Variants in TRANK1 observed in about 807,000 individuals in gnomAD.
The protein encoded by TRANK1 is TPR and ankyrin repeat-containing protein 1.
A neutral mutation model predicts 266.0 loss-of-function variants in TRANK1; 198 were observed. The observed-to-expected ratio is 0.74, with a 90% CI of 0.66 to 0.84. The LOEUF (loss-of-function observed/expected upper bound fraction) is 0.84, where lower values mean the gene tolerates loss of function less well. Ranked by LOEUF, TRANK1 falls within the 40% of genes least tolerant of loss-of-function variation. The probability of loss-of-function intolerance (pLI) is 0.00; values close to 1 mark genes in which losing one functional copy is unlikely to be tolerated. For synonymous variants in TRANK1, 1,396 were observed against 1,384.1 expected, an observed-to-expected ratio of 1.01 and a Z score of -0.19; for missense variants, 3,326 against 3,634.6, an observed-to-expected ratio of 0.92 and a Z score of 2.18.
At position 36,833,858 on chromosome 3, in the gene TRANK1, G is replaced by C; in HGVS notation, c.5725C>G (p.Gln1909Glu). The C allele has an allele frequency of 6.2e-7, 1 of 1,613,962 alleles. No homozygotes were observed. The highest frequency in any genetic ancestry group is 1.7e-5 in the Admixed American group (1 of 60,020). The part of the protein sequence containing the change: ...PISKLSYSAS[Q>E]FYLEAAAKYL... ...TTTGCTGCAGCTTCCAAGTAAAACT[G>C]ACTGGCAGAATAGGAGAGCTTGGAA... The change falls in exon 22 of 24, where the codon CAG becomes GAG. Residue 1909 changes from glutamine (Q) to glutamate (E), a missense_variant. By Grantham distance (29) the Gln-to-Glu change is conservative (BLOSUM62 2). Coordinates refer to ENST00000645898, the MANE Select transcript of TRANK1 (RefSeq NM_001329998.2).
chr3:36,930,221 A>G (rs2080342846), intron 1 of TRANK1, among the ~76,000 whole-genome samples: 1 of 152,178 alleles, frequency 6.6e-6, no homozygotes. Context: ...CCATCACTGC[A>G]GGCCTTGAAG....
chr3:36,855,125 G>C, intron 13 of TRANK1, 48 bp downstream of exon 13: 2 of 1,528,864 alleles, frequency 1.3e-6, no homozygotes, highest in Non-Finnish European at 1.8e-6. Flanking sequence ...GCAGCCCAAA[G>C]TCTGTGCCTA....
chr3:36,851,487 A>C, intron 15 of TRANK1: 1 of 1,244,348 alleles, frequency 8.0e-7, no homozygotes, highest in Non-Finnish European at 1.0e-6. Context: ...GAGCCAAAGA[A>C]GGGCAGGGCA....
intron 1 of TRANK1, among the ~76,000 whole-genome samples, chr3:36,919,787 T>A (rs1226146949): frequency 2.6e-5 from 4 of 152,256 alleles, no homozygotes. Context: ...ATCAGTCTTT[T>A]TAATTTTAGC....
At chr3:36,896,708 C>G (rs1275629473) in intron 4 of TRANK1, among the ~76,000 whole-genome samples, 15 of 152,146 alleles carry the variant, frequency 9.9e-5, no homozygotes, top group African/African-American at 3.6e-4. Flanking sequence ...TTAAAAGATG[C>G]AGAGGGCCGG....
intron 1 of TRANK1, among the ~76,000 whole-genome samples, chr3:36,930,803 G>A (rs998692017): frequency 6.6e-6 from 1 of 152,100 alleles, no homozygotes; most frequent in African/African-American, 2.4e-5. Context: ...GACTGGAAAG[G>A]GGTATCAGTG....
chr3:36,882,854 A>C (rs1326888210), intron 8 of TRANK1, among the ~76,000 whole-genome samples: 1 of 152,234 alleles, frequency 6.6e-6, no homozygotes, highest in Non-Finnish European at 1.5e-5. Context: ...AAGATATTAA[A>C]GTGATTCTTA....
chr3:36,912,758 CTGGCA>C (rs2125636995), intron 1 of TRANK1, among the ~76,000 whole-genome samples: 1 of 152,304 alleles, frequency 6.6e-6, no homozygotes, highest in African/African-American at 2.4e-5. Flanking sequence ...ACAGCAAAGA[CTGGCA>C]ACACAGATGG....
intron 5 of TRANK1, among the ~76,000 whole-genome samples, chr3:36,894,658 G>A (rs6793902): frequency 0.32 from 48,782 of 152,002 alleles, 8,666 homozygotes; most frequent in East Asian, 0.57. Flanking sequence ...TGCATGACAA[G>A]AGAGCCCCAC....
At chr3:36,892,777 G>C in intron 6 of TRANK1, 124 bp downstream of exon 6, 1 of 280,884 alleles carries the variant, frequency 3.6e-6, no homozygotes, top group Non-Finnish European at 6.0e-6. Flanking sequence ...GTTACAGTGA[G>C]CTATCATGCC....
chr3:36,864,227 T>C (rs1389928072), intron 10 of TRANK1, 92 bp downstream of exon 10: 3 of 1,318,658 alleles, frequency 2.3e-6, no homozygotes, highest in Admixed American at 6.0e-5. Flanking sequence ...TTATTTTTAT[T>C]TTTTAAAATT....
At chr3:36,842,794 C>A in intron 17 of TRANK1, 84 bp from the exon 18 acceptor site, 1 of 1,182,610 alleles carries the variant, frequency 8.5e-7, no homozygotes, top group South Asian at 1.3e-5. Context: ...TGCATCTCCT[C>A]CGCCAGCCAT....
Position 36,846,396 on chromosome 3 carries a change from G to C in TRANK1, c.5043C>G (p.Asn1681Lys), listed in dbSNP as rs772874290. The C allele has an allele frequency of 6.2e-7, 1 of 1,611,958 alleles. No homozygotes were observed. Among genetic ancestry groups the C allele is most frequent in the Non-Finnish European group, 8.5e-7 (1 of 1,178,952 alleles). The change falls in exon 17 of 24, where the codon AAC becomes AAG. Residue 1681 changes from asparagine to lysine, a missense_variant. By Grantham distance (94) the Asn-to-Lys change is moderately conservative. Coordinates refer to ENST00000645898, the MANE Select transcript of TRANK1 (RefSeq NM_001329998.2). ...MVNPEMYKLL[N>K]GELKQLYTAI... ...CGGTGTACAGCTGCTTCAGCTCTCC[G>C]TTGAGGAGCTAAAGATAACATTGAG...
chr3:36,885,909 C>T (rs934199567), intron 8 of TRANK1, among the ~76,000 whole-genome samples: 2 of 151,982 alleles, frequency 1.3e-5, no homozygotes, highest in African/African-American at 4.8e-5. Context: ...AATCTCTGAA[C>T]CATTTTTGTA....
At chr3:36,892,869 A>G in intron 6 of TRANK1, 32 bp downstream of exon 6, 1 of 681,786 alleles carries the variant, frequency 1.5e-6, no homozygotes, top group Non-Finnish European at 2.0e-6. Context: ...ATATATATAT[A>G]TAGATATATA....
intron 23 of TRANK1, among the ~76,000 whole-genome samples, chr3:36,829,360 G>A (rs1307040241): frequency 6.6e-6 from 1 of 152,188 alleles, no homozygotes; most frequent in Non-Finnish European, 1.5e-5. Context: ...CATGTGCCCA[G>A]AATAATGGCC....
At chr3:36,925,050 C>T (rs2080269636) in intron 1 of TRANK1, among the ~76,000 whole-genome samples, 1 of 152,198 alleles carries the variant, frequency 6.6e-6, no homozygotes, top group Non-Finnish European at 1.5e-5. Flanking sequence ...GGCCCCACAC[C>T]ATTCAGTGGC....
chr3:36,916,554 T>C (rs1209342189), intron 1 of TRANK1, among the ~76,000 whole-genome samples: 1 of 152,128 alleles, frequency 6.6e-6, no homozygotes, highest in Non-Finnish European at 1.5e-5. Context: ...AGCAAGACTC[T>C]GTCTCAAAAA....
intron 13 of TRANK1, among the ~76,000 whole-genome samples, chr3:36,854,797 A>C (rs1018747200): frequency 1.3e-5 from 2 of 151,714 alleles, no homozygotes; most frequent in African/African-American, 4.8e-5. Context: ...TTGGGAGAAA[A>C]CCTGCTTCAA....
Sources: gnomAD v4.1 joint callset for allele counts (sites outside exome capture counted in the v4.1 genomes callset) on GRCh38, gnomAD v4.1.1 for gene constraint, MANE v1.5 for transcripts, NCBI Gene and HGNC (gene_info 2026-07-23, HGNC 2026-07-21) for gene names.